The following NUP62CL variants were observed in gnomAD, a reference collection of about 807,000 sequenced individuals.
NUP62CL encodes nucleoporin 62 C-terminal like, also known as nucleoporin-62 C-terminal-like protein.
Under a neutral mutation model 15.3 loss-of-function variants are expected in NUP62CL, and 13 were observed. The ratio of observed to expected loss-of-function variants is 0.85; its 90% CI spans 0.55 to 1.35. The LOEUF (loss-of-function observed/expected upper bound fraction) is 1.35, where lower values mean the gene tolerates loss of function less well. NUP62CL is among the 40% of genes most tolerant of loss of function. The probability of loss-of-function intolerance (pLI) is 0.00; values close to 1 mark genes in which losing one functional copy is unlikely to be tolerated. For synonymous variants in NUP62CL, 54 were observed against 49.2 expected, an observed-to-expected ratio of 1.10 and a Z score of -0.41; for missense variants, 123 against 130.6, an observed-to-expected ratio of 0.94 and a Z score of 0.28.
At chrX:107,190,230 A>G (rs1472344143) in intron 2 of NUP62CL, among the ~76,000 whole-genome samples, 2 of 112,188 alleles carry the variant, frequency 1.8e-5, no homozygotes, top group African/African-American at 6.5e-5. Context: ...ATCATGCCAT[A>G]TAACTGACTT....
chrX:107,168,562 G>GT (rs891430356), intron 3 of NUP62CL, among the ~76,000 whole-genome samples: 3 of 111,741 alleles, frequency 2.7e-5, no homozygotes, highest in Non-Finnish European at 3.8e-5. Flanking sequence ...GTTTCCTTTG[G>GT]TTTTCTAAAT....
At chrX:107,132,315 CT>C in intron 8 of NUP62CL, 2 of 778,163 alleles carry the variant, frequency 2.6e-6, no homozygotes, top group Non-Finnish European at 3.8e-6. Context: ...TTGTCAAGAA[CT>C]TTTTAGAGTT....
At chrX:107,175,795 C>T (rs1926767853) in intron 2 of NUP62CL, among the ~76,000 whole-genome samples, 1 of 111,173 alleles carries the variant, frequency 9.0e-6, no homozygotes, top group Non-Finnish European at 1.9e-5. Context: ...TAGAGTATCC[C>T]AATGGGAGGG....
intron 4 of NUP62CL, among the ~76,000 whole-genome samples, chrX:107,161,541 C>G (rs1290406): frequency 1.9e-5 from 1 of 52,613 alleles, no homozygotes; most frequent in East Asian, 6.8e-4. Context: ...AACAAAAAAC[C>G]AAACACCGCA....
intron 2 of NUP62CL, among the ~76,000 whole-genome samples, chrX:107,188,736 A>G (rs1047499408): frequency 6.3e-5 from 7 of 111,813 alleles, no homozygotes; most frequent in Non-Finnish European, 1.1e-4. Context: ...TTTACAAAAA[A>G]AACTCCTAGA....
chrX:107,161,351 T>C (rs1273197376), intron 4 of NUP62CL, among the ~76,000 whole-genome samples: 52 of 99,098 alleles, frequency 5.2e-4, no homozygotes, highest in African/African-American at 1.7e-3. Flanking sequence ...ATTGCGGCAT[T>C]ATTCACAATA....
At chrX:107,187,547 A>C (rs1927095160) in intron 2 of NUP62CL, among the ~76,000 whole-genome samples, 2 of 111,682 alleles carry the variant, frequency 1.8e-5, no homozygotes, top group African/African-American at 6.5e-5. Context: ...ACAGGTGCGC[A>C]CCACCATGCC....
intron 1 of NUP62CL, among the ~76,000 whole-genome samples, chrX:107,199,199 AG>A (rs979531532): frequency 2.7e-5 from 3 of 111,842 alleles, no homozygotes; most frequent in African/African-American, 9.7e-5. Flanking sequence ...CAAACCAAAA[AG>A]GTATTTTGAT....
chrX:107,154,972 T>A (rs1277546604), intron 4 of NUP62CL, among the ~76,000 whole-genome samples: 3 of 111,866 alleles, frequency 2.7e-5, no homozygotes, highest in Non-Finnish European at 3.8e-5. Flanking sequence ...TAGTCACCAT[T>A]AGGCTTCACC....
At chrX:107,146,081 C>A (rs749328766) in intron 8 of NUP62CL, among the ~76,000 whole-genome samples, 3 of 111,741 alleles carry the variant, frequency 2.7e-5, no homozygotes, top group Non-Finnish European at 5.7e-5. Flanking sequence ...CATGTCAGAT[C>A]AAGAGGCACA....
At chrX:107,198,155 C>T (rs5962802) in intron 1 of NUP62CL, among the ~76,000 whole-genome samples, 34,030 of 110,472 alleles carry the variant, frequency 0.31, 5,050 homozygotes, top group African/African-American at 0.56. Flanking sequence ...AACACACCAA[C>T]CAGTGCTCTG....
chrX:107,189,028 G>A (rs1927142896), intron 2 of NUP62CL, among the ~76,000 whole-genome samples: 1 of 111,618 alleles, frequency 9.0e-6, no homozygotes, highest in Admixed American at 9.5e-5. Context: ...GACATGAACT[G>A]ATAAGATATA....
chrX:107,137,494 G>A (rs1286348535), intron 8 of NUP62CL, among the ~76,000 whole-genome samples: 1 of 111,485 alleles, frequency 9.0e-6, no homozygotes, highest in Non-Finnish European at 1.9e-5. Flanking sequence ...AAATTCCGAG[G>A]AATCCACACA....
rs1455374287 is a variant in NUP62CL, at chrX:107,190,644, A to G, written c.-48+2385T>C. ...CAATCAAGTAAGAATCTCAAAATCA[A>G]TCTTGAATACTGTGCTTCTCCATTA... is the stretch of plus-strand genomic sequence containing the variant. On this transcript the variant is annotated intron_variant, in intron 2 of 8. Transcript: ENST00000372466. 2.7e-5 allele frequency among the ~76,000 whole-genome samples: 3 copies of G among 111,922 alleles called. No homozygotes were observed. The East Asian group carries it at 8.4e-4, about 31-fold the overall frequency.
intron 2 of NUP62CL, among the ~76,000 whole-genome samples, chrX:107,192,347 GTAGACTACCTTGGGAATA>G (rs1294133664): frequency 8.9e-6 from 1 of 111,782 alleles, no homozygotes; most frequent in East Asian, 2.8e-4. Flanking sequence ...CTTCAATTTG[GTAGACTACCTTGGGAATA>G]AATAGCATAA....
At chrX:107,132,746 G>T (rs942507600) in intron 8 of NUP62CL, among the ~76,000 whole-genome samples, 37 of 112,115 alleles carry the variant, frequency 3.3e-4, no homozygotes, top group African/African-American at 1.1e-3. Context: ...GTGACACAGT[G>T]AGACCCTGTC....
At chrX:107,162,812 G>C (rs1926420457) in intron 4 of NUP62CL, among the ~76,000 whole-genome samples, 1 of 112,058 alleles carries the variant, frequency 8.9e-6, no homozygotes, top group Non-Finnish European at 1.9e-5. Context: ...TTTTTCCACA[G>C]ATGGCGGGAG....
intron 1 of NUP62CL, among the ~76,000 whole-genome samples, chrX:107,197,524 T>C (rs1468368481): frequency 9.1e-6 from 1 of 110,180 alleles, no homozygotes; most frequent in Non-Finnish European, 1.9e-5. Context: ...CTACAGGAGC[T>C]TAAAACTGAT....
intron 1 of NUP62CL, among the ~76,000 whole-genome samples, chrX:107,194,513 C>T (rs1377564542): frequency 9.0e-6 from 1 of 111,269 alleles, no homozygotes; most frequent in East Asian, 2.8e-4. Flanking sequence ...AATGAGATGA[C>T]TAAAAATTAG....
Sources: gnomAD v4.1 joint callset for allele counts (sites outside exome capture counted in the v4.1 genomes callset) on GRCh38, gnomAD v4.1.1 for gene constraint, MANE v1.5 for transcripts, NCBI Gene and HGNC (gene_info 2026-07-23, HGNC 2026-07-21) for gene names.